The following JADE3 variants were observed in gnomAD, a reference collection of about 807,000 sequenced individuals.
JADE3 encodes protein Jade-3.
Under a neutral mutation model 50.1 loss-of-function variants are expected in JADE3, and 2 were observed. The observed-to-expected ratio is 0.04, with a 90% CI of 0.02 to 0.13. JADE3 has a LOEUF of 0.13. JADE3 is among the 10% of genes least tolerant of loss of function. JADE3 has a pLI of 1.00. For missense variants in JADE3, 475 were observed against 634.4 expected (o/e 0.75, Z 2.70); for synonymous variants, 218 against 232.9 (o/e 0.94, Z 0.58).
chrX:47,002,194 T>A (rs782610020), intron 4 of JADE3, among the ~76,000 whole-genome samples: 21 of 111,505 alleles, frequency 1.9e-4, no homozygotes, highest in Non-Finnish European at 4.0e-4. Context: ...TAGCTCTATG[T>A]CTCAAAAATA....
intron 1 of JADE3, among the ~76,000 whole-genome samples, chrX:46,938,953 G>C (rs1036699681): frequency 8.9e-6 from 1 of 112,133 alleles, no homozygotes; most frequent in Non-Finnish European, 1.9e-5. Flanking sequence ...TCTGCCTCCT[G>C]AGTAAGTGGG....
Position 47,052,913 on chromosome X carries a change from G to A in JADE3, c.973-1245G>A, listed in dbSNP as rs543623727. Among the ~76,000 whole-genome samples the A allele has an allele frequency of 2.5e-4, 27 of 107,798 alleles. No individual in the cohort carries two copies. In the South Asian group the frequency reaches 9.5e-3, roughly 38 times the overall value. 93.6% of individuals were successfully genotyped at this position (107,798 alleles called of 115,157 possible). A position where few individuals can be genotyped will look rare whatever the true frequency, so the allele number is the denominator to read the frequency against. ...TCTACTAAAAATACAAAAATTAGCC[G>A]GGCATGGTGGCACATGCCTGTAATC... On this transcript the variant is annotated intron_variant, in intron 8 of 10. Transcript: ENST00000614628.
intron 1 of JADE3, among the ~76,000 whole-genome samples, chrX:46,957,389 A>G (rs1556346772): frequency 8.9e-6 from 1 of 112,637 alleles, no homozygotes; most frequent in Non-Finnish European, 1.9e-5. Flanking sequence ...TAATCTTTGC[A>G]TAGTATGTAT....
chrX:47,016,662 A>G (rs782554447), intron 4 of JADE3, among the ~76,000 whole-genome samples: 22 of 108,878 alleles, frequency 2.0e-4, no homozygotes, highest in Non-Finnish European at 3.6e-4. Flanking sequence ...TTGATCTACC[A>G]CGTCATAATA....
At chrX:46,995,050 G>A (rs1057366521) in intron 3 of JADE3, among the ~76,000 whole-genome samples, 3 of 100,933 alleles carry the variant, frequency 3.0e-5, no homozygotes, top group African/African-American at 1.1e-4. Context: ...TTTTTTTTGA[G>A]ATGGAGTCTT....
chrX:46,982,695 C>T (rs1927782381), intron 1 of JADE3, among the ~76,000 whole-genome samples: 1 of 111,064 alleles, frequency 9.0e-6, no homozygotes, highest in Non-Finnish European at 1.9e-5. Context: ...TGTTGCTCTT[C>T]GGGGGTACAA....
rs1167929803 is a variant in JADE3 at position 46,984,828 on chromosome X, G to A, written c.-11-56G>A. On this transcript the variant is annotated intron_variant, in intron 1 of 10. Transcript: ENST00000614628. ...TGGGATCCATGGGACAGTGTTGACT[G>A]CCCTCTGGGATGGGTGTGTGTGAAC... 8 of 898,735 alleles carry A rather than the reference G, an allele frequency of 8.9e-6. No individual in the cohort carries two copies. The East Asian group carries it at 2.5e-4, about 28-fold the overall frequency. The allele number at this position is 898,735 out of a possible 1,213,427, so 74.1% of individuals were successfully genotyped here. A position where few individuals can be genotyped will look rare whatever the true frequency, so the allele number is the denominator to read the frequency against.
At chrX:46,925,252 T>G (rs1926330366) in intron 1 of JADE3, among the ~76,000 whole-genome samples, 1 of 112,438 alleles carries the variant, frequency 8.9e-6, no homozygotes, top group East Asian at 2.8e-4. Context: ...GATTACTATT[T>G]CTGTTTGACT....
intron 1 of JADE3, among the ~76,000 whole-genome samples, chrX:46,974,384 G>A (rs1397940728): frequency 4.5e-5 from 5 of 110,448 alleles, no homozygotes; most frequent in Admixed American, 1.9e-4. Context: ...CAGCTTGGGC[G>A]ACAGAGTGAG....
At chrX:46,981,788 C>G in intron 1 of JADE3, among the ~76,000 whole-genome samples, 1 of 112,141 alleles carries the variant, frequency 8.9e-6, no homozygotes, top group East Asian at 2.8e-4. Context: ...AACCAATCAC[C>G]AAAGGACACA....
chrX:46,924,914 C>T (rs1926323328), intron 1 of JADE3, among the ~76,000 whole-genome samples: 1 of 111,602 alleles, frequency 9.0e-6, no homozygotes, highest in Admixed American at 9.5e-5. Flanking sequence ...TCCACATCGC[C>T]AGGTGCCATT....
At chrX:46,943,408 G>A (rs1392753371) in intron 1 of JADE3, among the ~76,000 whole-genome samples, 1 of 111,843 alleles carries the variant, frequency 8.9e-6, no homozygotes, top group African/African-American at 3.2e-5. Flanking sequence ...TTATCATGAA[G>A]AGATGTTGGA....
intron 4 of JADE3, among the ~76,000 whole-genome samples, chrX:47,023,346 ATAAG>A: frequency 9.0e-6 from 1 of 111,104 alleles, no homozygotes. Context: ...GCTCCCACTT[ATAAG>A]TGAGAACATG....
At chrX:47,014,895 G>T (rs1486354537) in intron 4 of JADE3, among the ~76,000 whole-genome samples, 3 of 112,102 alleles carry the variant, frequency 2.7e-5, no homozygotes, top group Non-Finnish European at 3.8e-5. Context: ...TTAAATAAAT[G>T]TAAGTGTTCT....
At chrX:46,956,944 C>T (rs1569535261) in intron 1 of JADE3, among the ~76,000 whole-genome samples, 1 of 109,188 alleles carries the variant, frequency 9.2e-6, no homozygotes, top group East Asian at 2.8e-4. Flanking sequence ...ACCTCAGCCT[C>T]CTGAGTAGCT....
At chrX:46,957,052 T>C (rs1569535266) in intron 1 of JADE3, among the ~76,000 whole-genome samples, 1 of 111,099 alleles carries the variant, frequency 9.0e-6, no homozygotes, top group East Asian at 2.8e-4. Context: ...CTCAAACTCC[T>C]GAGCTCAAGC....
chrX:47,026,029 T>C (rs1394763149), intron 5 of JADE3, among the ~76,000 whole-genome samples: 1 of 111,835 alleles, frequency 8.9e-6, no homozygotes, highest in Non-Finnish European at 1.9e-5. Context: ...TTTTGTTTTA[T>C]GTCTTTTCTT....
chrX:47,012,559 T>C (rs1355919736), intron 4 of JADE3, among the ~76,000 whole-genome samples: 2 of 110,412 alleles, frequency 1.8e-5, no homozygotes, highest in East Asian at 5.6e-4. Flanking sequence ...CCAGCCTGGG[T>C]GACAGAGTGA....
At chrX:47,010,329 A>G (rs1262891016) in intron 4 of JADE3, among the ~76,000 whole-genome samples, 1 of 110,987 alleles carries the variant, frequency 9.0e-6, no homozygotes, top group Non-Finnish European at 1.9e-5. Flanking sequence ...CCCCAGTTCA[A>G]CCGATTCTCC....
Sources: gnomAD v4.1 joint callset for allele counts (sites outside exome capture counted in the v4.1 genomes callset) on GRCh38, gnomAD v4.1.1 for gene constraint, MANE v1.5 for transcripts, NCBI Gene and HGNC (gene_info 2026-07-23, HGNC 2026-07-21) for gene names.